SFSWAP: variants seen among roughly 807,000 people sequenced by gnomAD.
The protein encoded by SFSWAP is splicing factor, suppressor of white-apricot homolog.
A neutral mutation model predicts 100.7 loss-of-function variants in SFSWAP; 17 were observed. That is an observed-to-expected ratio of 0.17 (90% CI 0.12 to 0.25). The LOEUF is 0.25. Among genes scored for constraint, SFSWAP ranks in the 10% least tolerant of loss-of-function variants. SFSWAP has a pLI of 1.00. For missense variants in SFSWAP, 1,005 were observed against 1,262.6 expected, an observed-to-expected ratio of 0.80 and a Z score of 3.09; for synonymous variants, 504 against 510.1, an observed-to-expected ratio of 0.99 and a Z score of 0.16.
chr12:131,794,343 T>G lies in SFSWAP; in HGVS notation c.2535-2835T>G, dbSNP rs894684229. On this transcript the variant is annotated intron_variant, in intron 15 of 17. Coordinates refer to ENST00000261674, the MANE Select transcript of SFSWAP (RefSeq NM_004592.4). This position sits in a 1 kb window ranked among gnomAD's most constrained non-coding sequence, Gnocchi z 4.8. ...TGAGCCCAGGATTTGCAGGCTTTTT[T>G]TTTTTTTGGTAGAGACCCCCATCTC... 2.0e-5 allele frequency among the ~76,000 whole-genome samples: 3 copies of G among 151,466 alleles called. No individual in the cohort carries two copies. The highest frequency in any genetic ancestry group is 4.4e-5 in the Non-Finnish European group (3 of 67,802).
At chr12:131,717,401 T>C (rs1480818666) in intron 3 of SFSWAP, among the ~76,000 whole-genome samples, 1 of 152,202 alleles carries the variant, frequency 6.6e-6, no homozygotes, top group Non-Finnish European at 1.5e-5. Flanking sequence ...TTTTTCCCTC[T>C]TTTTTAGGGG....
Position 131,725,372 on chromosome 12 carries a change from A to G in SFSWAP, c.607-33A>G. The G allele has an allele frequency of 6.4e-7, 1 of 1,557,496 alleles. No individual in the cohort carries two copies. Among genetic ancestry groups the G allele is most frequent in the Non-Finnish European group, 8.8e-7 (1 of 1,134,070 alleles). On this transcript the variant is annotated intron_variant, in intron 4 of 17. Coordinates refer to ENST00000261674, the MANE Select transcript of SFSWAP (RefSeq NM_004592.4). This position sits in a 1 kb window ranked among gnomAD's most constrained non-coding sequence, Gnocchi z 4.3. ...ACGTGGCCGGTGGACAAGAGGACAA[A>G]TGGGTGACGTGAATATGTGTGTTTT... is the stretch of plus-strand genomic sequence containing the variant.
chr12:131,719,620 G>C, intron 4 of SFSWAP, 81 bp downstream of exon 4: 1 of 1,097,748 alleles, frequency 9.1e-7, no homozygotes, highest in South Asian at 1.3e-5. Context: ...GCTCAATAAT[G>C]ATTATAGCTG....
rs764675782 is a variant in SFSWAP at position 131,734,184 on chromosome 12, C to T, written c.1081+5756C>T. On this transcript the variant is annotated intron_variant, in intron 7 of 17. Transcript: ENST00000261674. This position sits in a 1 kb window ranked among gnomAD's most constrained non-coding sequence, Gnocchi z 4.9. ...GCACAGAGAGCGTGTTCATCGCTGGCTCCTGCCGCCCTCGAGGACTTGAAG... is the reference window on the plus strand; with the variant it reads ...GCACAGAGAGCGTGTTCATCGCTGGTTCCTGCCGCCCTCGAGGACTTGAAG... Among the ~76,000 whole-genome samples, 42 of 152,218 alleles carry T rather than the reference C, an allele frequency of 2.8e-4. No homozygotes were observed. The highest frequency in any genetic ancestry group is 5.7e-4 in the Non-Finnish European group (39 of 68,024).
intron 4 of SFSWAP, among the ~76,000 whole-genome samples, chr12:131,720,127 T>C (rs151116680): frequency 3.8e-4 from 58 of 152,344 alleles, no homozygotes; most frequent in Non-Finnish European, 6.9e-4. Flanking sequence ...ATTTCAGTTA[T>C]ATCACATTAA....
chr12:131,713,412 T>C (rs929429925), intron 1 of SFSWAP: 1 of 152,272 alleles, frequency 6.6e-6, no homozygotes, highest in South Asian at 2.1e-4. Context: ...TATCTTCTAA[T>C]AGTTTTGCTC....
rs570831354 is a variant in SFSWAP, at chr12:131,778,117, C to T, written c.2195C>T (p.Thr732Ile). The change falls in exon 14 of 18, where the codon ACT (threonine) becomes ATT (isoleucine). Residue 732 changes from threonine to isoleucine, a missense_variant. By Grantham distance (89) the Thr-to-Ile change is moderately conservative. Transcript: ENST00000261674. The surrounding 1 kb of genome is among the most constrained non-coding windows in gnomAD (Gnocchi z 4.2). ...CTGACTGGAGGCAGGCCTCTGCCTA[C>T]TTTAGAAGTTAAACCACCCGATAGG... ...PLLTGGRPLP[T>I]LEVKPPDRPS... 6.2e-7 allele frequency: 1 copy of T among 1,614,056 alleles called. No homozygotes were observed. The highest frequency in any genetic ancestry group is 8.5e-7 in the Non-Finnish European group (1 of 1,180,024).
At position 131,734,444 on chromosome 12, in the gene SFSWAP, C is replaced by T. The variant is rs980812628; in HGVS notation, c.1081+6016C>T. Among the ~76,000 whole-genome samples, 9 of 152,188 alleles carry T rather than the reference C, an allele frequency of 5.9e-5. No homozygotes were observed. The highest frequency in any genetic ancestry group is 1.2e-4 in the Non-Finnish European group (8 of 68,032). On this transcript the variant is annotated intron_variant, in intron 7 of 17. Transcript: ENST00000261674. The surrounding 1 kb of genome is among the most constrained non-coding windows in gnomAD (Gnocchi z 4.9). The stretch of plus-strand genomic sequence containing the variant: ...GTGACTAGGAGGTCAGAGAGGCAGC[C>T]GCCCACCCCACGCACTCCCTGCTTG...
chr12:131,738,909 T>TTTTTTTTTTTTTTTTTTTTTA (rs1593131689), intron 7 of SFSWAP, among the ~76,000 whole-genome samples: 1 of 122,838 alleles, frequency 8.1e-6, no homozygotes, highest in Non-Finnish European at 1.7e-5. Flanking sequence ...TTTTTTTTTT[T>TTTTTTTTTTTTTTTTTTTTTA]GAGACAGGGT....
intron 10 of SFSWAP, among the ~76,000 whole-genome samples, chr12:131,755,952 G>A (rs1312399636): frequency 1.3e-5 from 2 of 152,250 alleles, no homozygotes; most frequent in Admixed American, 1.3e-4. Context: ...GCGTGGTGCT[G>A]GCGCACTTGG....
intron 3 of SFSWAP, among the ~76,000 whole-genome samples, chr12:131,719,012 G>A (rs963263529): frequency 6.6e-6 from 1 of 152,142 alleles, no homozygotes; most frequent in Admixed American, 6.5e-5. Context: ...GCGTAGGTCC[G>A]CTTGTATGAG....
chr12:131,772,337 T>G (rs1883684360), intron 13 of SFSWAP, among the ~76,000 whole-genome samples: 1 of 152,214 alleles, frequency 6.6e-6, no homozygotes, highest in Non-Finnish European at 1.5e-5. Flanking sequence ...TCAGGTACAG[T>G]TGTAAATGAT....
At chr12:131,760,701 A>ATT (rs1882591473) in intron 11 of SFSWAP, among the ~76,000 whole-genome samples, 2 of 152,208 alleles carry the variant, frequency 1.3e-5, no homozygotes, top group South Asian at 4.1e-4. Context: ...GAAATTGTGA[A>ATT]TTGACATGTC....
intron 7 of SFSWAP, among the ~76,000 whole-genome samples, chr12:131,751,545 C>T (rs749785728): frequency 3.9e-5 from 6 of 152,270 alleles, no homozygotes; most frequent in Admixed American, 2.6e-4. Context: ...TGAGAGGAAG[C>T]ATCCATACAT....
intron 15 of SFSWAP, among the ~76,000 whole-genome samples, chr12:131,790,366 T>A (rs564967797): frequency 3.0e-4 from 45 of 152,358 alleles, no homozygotes; most frequent in African/African-American, 1.0e-3. Flanking sequence ...ATCTACCATT[T>A]CTTCAAGGAC....
At position 131,753,134 on chromosome 12, in the gene SFSWAP, G is replaced by A; in HGVS notation, c.1093G>A (p.Ala365Thr). ...ATGTGTCTCCACAGCGACCGTGGCA[G>A]CCATGTATTACAGCTACTACATGCT... ...VEYTADSTVA[A>T]MYYSYYMLPD... The change falls in exon 8 of 18, where the codon GCC (alanine) becomes ACC (threonine). Residue 365 changes from alanine (A) to threonine (T), a missense_variant. Transcript: ENST00000261674. The A allele has an allele frequency of 3.7e-6, 6 of 1,614,154 alleles. No individual in the cohort carries two copies. The highest frequency in any genetic ancestry group is 4.2e-6 in the Non-Finnish European group (5 of 1,180,030).
chr12:131,797,059 G>C (rs372983714), intron 15 of SFSWAP, 119 bp from the exon 16 acceptor site: 2 of 813,478 alleles, frequency 2.5e-6, no homozygotes, highest in Non-Finnish European at 4.0e-6. Flanking sequence ...GAGTGGTTCC[G>C]TCCCTGAATT....
At chr12:131,756,233 A>G (rs978217072) in intron 10 of SFSWAP, among the ~76,000 whole-genome samples, 1 of 152,100 alleles carries the variant, frequency 6.6e-6, no homozygotes, top group African/African-American at 2.4e-5. Context: ...CCAAGGCAGT[A>G]TTAGGGCTTC....
rs561060438 is a variant in SFSWAP, at chr12:131,714,562, C to T, written c.389-260C>T. On this transcript the variant is annotated intron_variant, in intron 2 of 17. Coordinates refer to ENST00000261674, the MANE Select transcript of SFSWAP (RefSeq NM_004592.4). The surrounding 1 kb of genome is among the most constrained non-coding windows in gnomAD (Gnocchi z 6.0). Reference sequence around the variant, plus strand: ...GTCTTTGCCGTAACAGTCTTTAATACAGTTCTTAATCCCAAAATTTTCTCA... The same window carrying T: ...GTCTTTGCCGTAACAGTCTTTAATATAGTTCTTAATCCCAAAATTTTCTCA... 3 of 508,242 alleles carry T rather than the reference C, an allele frequency of 5.9e-6. No individual in the cohort carries two copies. The highest frequency in any genetic ancestry group is 1.1e-5 in the Non-Finnish European group (3 of 285,428). 31.5% of individuals were successfully genotyped at this position (508,242 alleles called of 1,614,324 possible).
Sources: gnomAD v4.1 joint callset for allele counts (sites outside exome capture counted in the v4.1 genomes callset) on GRCh38, gnomAD v4.1.1 for gene constraint, Gnocchi (gnomAD v3.1) non-coding constraint, MANE v1.5 for transcripts, NCBI Gene and HGNC (gene_info 2026-07-23, HGNC 2026-07-21) for gene names.